NFKBID: variants seen among roughly 807,000 people sequenced by gnomAD.
NFKBID encodes NF-kappa-B inhibitor delta.
Under a neutral mutation model 53.4 loss-of-function variants are expected in NFKBID, and 26 were observed. The observed-to-expected ratio is 0.49, with a 90% CI of 0.36 to 0.68. The LOEUF is 0.68. Ranked by LOEUF, NFKBID falls within the 30% of genes least tolerant of loss-of-function variation. NFKBID has a pLI of 0.00. For missense variants in NFKBID, 493 were observed against 614.1 expected (o/e 0.80, Z 2.08); for synonymous variants, 262 against 259.8 (o/e 1.01, Z -0.08).
At position 35,888,619 on chromosome 19, in the gene NFKBID, A is replaced by G; in HGVS notation, c.1315-7T>C. On this transcript the variant is annotated splice_polypyrimidine_tract_variant and splice_region_variant and intron_variant, in intron 11 of 11. Transcript: ENST00000641389. ...TCTTCAACAGCTGCCGGAGCTGTAGACAAGGCAAAGGAGGGAGAGAAGTCT... is the reference window on the plus strand; with the variant it reads ...TCTTCAACAGCTGCCGGAGCTGTAGGCAAGGCAAAGGAGGGAGAGAAGTCT... The G allele has an allele frequency of 6.4e-7, 1 of 1,570,596 alleles. No individual in the cohort carries two copies. Among genetic ancestry groups the G allele is most frequent in the Non-Finnish European group, 8.6e-7 (1 of 1,157,842 alleles).
intron 9 of NFKBID, among the ~76,000 whole-genome samples, chr19:35,895,632 T>A (rs1390524563): frequency 2.0e-5 from 3 of 151,266 alleles, no homozygotes; most frequent in Non-Finnish European, 4.4e-5. Flanking sequence ...AGAAAGCCTG[T>A]CTCTACTAAA....
At chr19:35,898,692 CG>C in intron 2 of NFKBID, 26 bp downstream of exon 2, 1 of 1,529,844 alleles carries the variant, frequency 6.5e-7, no homozygotes, top group Non-Finnish European at 8.8e-7. Context: ...ACGGGGCCTC[CG>C]GAGAGCTGTG....
intron 9 of NFKBID, 57 bp downstream of exon 9, chr19:35,895,923 C>A: frequency 6.5e-7 from 1 of 1,548,726 alleles, no homozygotes; most frequent in Non-Finnish European, 8.8e-7. Context: ...CCCGGACATC[C>A]AAGTGGCCCC....
chr19:35,898,822 A>T, exon 2 of NFKBID: 1 of 1,535,480 alleles, frequency 6.5e-7, no homozygotes, highest in Non-Finnish European at 8.7e-7. Context: ...ACCCCTGCTC[A>T]CTGTGCGGGA....
intron 10 of NFKBID, 117 bp from the exon 11 acceptor site, chr19:35,890,171 C>T (rs1974658982): frequency 1.8e-6 from 2 of 1,122,844 alleles, no homozygotes; most frequent in African/African-American, 1.6e-5. Context: ...CATCCCAGAC[C>T]TCCCCCGGCC....
At chr19:35,895,232 T>C (rs1298607885) in intron 9 of NFKBID, among the ~76,000 whole-genome samples, 1 of 151,432 alleles carries the variant, frequency 6.6e-6, no homozygotes, top group Non-Finnish European at 1.5e-5. Context: ...TCGCAGCACT[T>C]TGGGAGGCCA....
chr19:35,898,508 G>C lies in NFKBID; in HGVS notation c.190C>G (p.Gln64Glu), dbSNP rs1975347431. Reference sequence around the variant, plus strand: ...TCATTCACAGATGGGGTCAGGGGCTGCTCTGGGGGAGGGAGAAATTGTCCC... The same window carrying C: ...TCATTCACAGATGGGGTCAGGGGCTCCTCTGGGGGAGGGAGAAATTGTCCC... The change falls in exon 3 of 12, where the codon CAG becomes GAG. Residue 64 changes from glutamine (Q) to glutamate (E), a missense_variant. This residue lies in a region of NFKBID where 226 missense variants were observed against 229.5 expected (regional missense o/e 0.98). Coordinates refer to ENST00000641389, the Ensembl canonical transcript of NFKBID. The C allele has an allele frequency of 2.6e-6, 4 of 1,533,538 alleles. No homozygotes were observed. In the African/African-American group the frequency reaches 5.5e-5, roughly 21 times the overall value. The allele number at this position is 1,533,538 out of a possible 1,614,324, so 95.0% of individuals were successfully genotyped here.
At chr19:35,888,532 A>C in exon 12 of NFKBID, 1 of 1,537,338 alleles carries the variant, frequency 6.5e-7, no homozygotes, top group African/African-American at 1.4e-5. Flanking sequence ...GGGACTGGAA[A>C]ATCAGTCCAG....
upstream of NFKBID, among the ~76,000 whole-genome samples, chr19:35,901,079 T>C (rs1244787406): frequency 6.6e-6 from 1 of 152,094 alleles, no homozygotes; most frequent in African/African-American, 2.4e-5. Context: ...GTGACCCGCC[T>C]GCCTTGGCCT....
chr19:35,897,224 C>G, intron 4 of NFKBID, 166 bp from the exon 5 acceptor site: 2 of 674,826 alleles, frequency 3.0e-6, no homozygotes, highest in Non-Finnish European at 4.8e-6. Context: ...GACCTTGGAC[C>G]TTTAGGCCTC....
exon 3 of NFKBID, chr19:35,898,475 T>C: frequency 3.9e-6 from 6 of 1,533,016 alleles, no homozygotes; most frequent in Non-Finnish European, 5.2e-6. Flanking sequence ...AACTTACCAG[T>C]CACAGCCTCA....
intron 9 of NFKBID, among the ~76,000 whole-genome samples, chr19:35,895,262 G>A (rs1975056193): frequency 6.7e-6 from 1 of 150,338 alleles, no homozygotes; most frequent in African/African-American, 2.5e-5. Flanking sequence ...GATCATTTGA[G>A]GTCAGGAGTT....
intron 3 of NFKBID, among the ~76,000 whole-genome samples, chr19:35,898,147 CCTA>C (rs952869099): frequency 5.3e-5 from 8 of 150,228 alleles, no homozygotes; most frequent in African/African-American, 1.5e-4. Flanking sequence ...AGAATGAGGG[CCTA>C]CCAGCCTAGG....
intron 11 of NFKBID, 148 bp downstream of exon 11, chr19:35,889,742 A>T (rs1974620949): frequency 2.5e-6 from 2 of 789,052 alleles, no homozygotes. Flanking sequence ...CAGAGGTCAC[A>T]TTATAGAGTC....
chr19:35,900,644 C>G, exon 1 of NFKBID: 2 of 1,228,928 alleles, frequency 1.6e-6, no homozygotes, highest in South Asian at 4.3e-5. Context: ...GGTCGCGCTC[C>G]GGCGAACGCA....
intron 9 of NFKBID, among the ~76,000 whole-genome samples, chr19:35,893,781 C>G (rs1456064521): frequency 1.3e-5 from 2 of 149,522 alleles, no homozygotes; most frequent in South Asian, 2.1e-4. Context: ...GATCGCACCA[C>G]TGCACTCCAG....
chr19:35,898,658 G>A, intron 2 of NFKBID, 61 bp downstream of exon 2: 1 of 1,476,030 alleles, frequency 6.8e-7, no homozygotes, highest in Non-Finnish European at 9.1e-7. Context: ...GGCCCGGCAA[G>A]CCGCTGAGTC....
intron 4 of NFKBID, 171 bp from the exon 5 acceptor site, chr19:35,897,229 GGCCTCAGTTTT>G: frequency 1.5e-6 from 1 of 661,612 alleles, no homozygotes; most frequent in Non-Finnish European, 2.4e-6. Context: ...TGGACCTTTA[GGCCTCAGTTTT>G]GCCCACCTGG....
upstream of NFKBID, chr19:35,901,895 T>C: frequency 2.3e-6 from 1 of 437,942 alleles, no homozygotes; most frequent in Non-Finnish European, 4.2e-6. Context: ...CTCTCAGGGG[T>C]CCCCTCCCTC....
Sources: gnomAD v4.1 joint callset for allele counts (sites outside exome capture counted in the v4.1 genomes callset) on GRCh38, gnomAD v4.1.1 for gene constraint, gnomAD v4.1.1 regional missense constraint, MANE v1.5 for transcripts, NCBI Gene and HGNC (gene_info 2026-07-23, HGNC 2026-07-21) for gene names.